The following RAB9B variants were observed in gnomAD, a reference collection of about 807,000 sequenced individuals.
RAB9B encodes RAB9B, member RAS oncogene family, also known as ras-related protein Rab-9B.
In RAB9B, 1 loss-of-function variant was observed where a neutral mutation model predicts 8.9. The ratio of observed to expected loss-of-function variants is 0.11; its 90% confidence interval spans 0.04 to 0.53. The LOEUF is 0.53. Among genes scored for constraint, RAB9B ranks in the 20% least tolerant of loss-of-function variants. RAB9B has a pLI of 0.93. For synonymous variants in RAB9B, 63 were observed against 57.0 expected (o/e 1.10, Z -0.47); for missense variants, 82 against 152.9 (o/e 0.54, Z 2.45).
At chrX:103,817,136 A>C in the RAB9B span, among the ~76,000 whole-genome samples, 30,322 of 110,746 alleles carry the variant, frequency 0.27, 3,136 homozygotes, top group East Asian at 0.35. Context: ...TACACGTATG[A>C]TTATTGTGGC....
At chrX:103,797,084 G>T in the RAB9B span, among the ~76,000 whole-genome samples, 3 of 88,080 alleles carry the variant, frequency 3.4e-5, no homozygotes, top group Admixed American at 4.1e-4. Flanking sequence ...AGAGGAAAGA[G>T]ACCTTTTTTT....
the RAB9B span, chrX:103,792,462 C>T: frequency 1.6e-4 from 18 of 112,653 alleles, no homozygotes; most frequent in Admixed American, 2.8e-4. Flanking sequence ...CACATATATA[C>T]ACACACAAAG....
chrX:103,813,565 A>G, the RAB9B span, among the ~76,000 whole-genome samples: 6 of 108,316 alleles, frequency 5.5e-5, no homozygotes, highest in Non-Finnish European at 1.1e-4. Context: ...TTCACACATA[A>G]CACTATTAAC....
the RAB9B span, among the ~76,000 whole-genome samples, chrX:103,815,649 G>T: frequency 1.8e-5 from 2 of 112,150 alleles, no homozygotes; most frequent in African/African-American, 6.5e-5. Flanking sequence ...AATTGTCTCT[G>T]TTTGCAGATG....
At chrX:103,818,209 T>C (rs952719122), downstream of RAB9B, among the ~76,000 whole-genome samples, 6 of 111,302 alleles carry the variant, frequency 5.4e-5, no homozygotes, top group African/African-American at 3.3e-5. Context: ...AATGAATGTA[T>C]AAACAATTAC....
At chrX:103,786,065 T>C in the RAB9B span, 1 of 1,045,061 alleles carries the variant, frequency 9.6e-7, no homozygotes, top group South Asian at 2.3e-5. Context: ...TCCAGCGTAG[T>C]AGGTATGGAG....
At chrX:103,790,398 T>G in the RAB9B span, 1 of 584,070 alleles carries the variant, frequency 1.7e-6, no homozygotes, top group Middle Eastern at 3.2e-4. Context: ...TACTGCTTTT[T>G]GCAGAGCATG....
At chrX:103,788,030 T>A in the RAB9B span, 1 of 934,700 alleles carries the variant, frequency 1.1e-6, no homozygotes, top group Non-Finnish European at 1.6e-6. Context: ...TATTTGGTTA[T>A]TTTCTTAGTG....
chrX:103,808,916 C>T, the RAB9B span, among the ~76,000 whole-genome samples: 1 of 113,432 alleles, frequency 8.8e-6, no homozygotes, highest in Non-Finnish European at 1.9e-5. Flanking sequence ...TGCCTAGAGA[C>T]TAGGACCCAT....
chrX:103,820,722 G>A (rs962727055), downstream of RAB9B, among the ~76,000 whole-genome samples: 9 of 110,553 alleles, frequency 8.1e-5, no homozygotes, highest in African/African-American at 3.0e-4. Flanking sequence ...AGGCCAGGTG[G>A]GTGGATCACT....
At chrX:103,785,547 G>A in the RAB9B span, 1 of 1,156,370 alleles carries the variant, frequency 8.6e-7, no homozygotes, top group South Asian at 1.8e-5. Flanking sequence ...CTACCTACTG[G>A]ATGTGCCTGA....
the RAB9B span, among the ~76,000 whole-genome samples, chrX:103,804,661 C>T: frequency 1.8e-5 from 2 of 112,022 alleles, no homozygotes; most frequent in African/African-American, 6.5e-5. Flanking sequence ...GAAAACAGAA[C>T]ACCTTTCCGT....
At chrX:103,785,995 G>GT in the RAB9B span, 1 of 538,777 alleles carries the variant, frequency 1.9e-6, no homozygotes, top group Non-Finnish European at 2.8e-6. Flanking sequence ...CCGCCCCCTT[G>GT]TTTTCTTACA....
chrX:103,795,075 T>C, the RAB9B span, among the ~76,000 whole-genome samples: 1 of 111,647 alleles, frequency 9.0e-6, no homozygotes, highest in Non-Finnish European at 1.9e-5. Flanking sequence ...GTGTTTGTGG[T>C]ATAGCAGTTA....
At chrX:103,818,336 T>C (rs1414732588), downstream of RAB9B, among the ~76,000 whole-genome samples, 2 of 112,128 alleles carry the variant, frequency 1.8e-5, no homozygotes, top group Non-Finnish European at 3.8e-5. Context: ...GTTGGAAAGA[T>C]AGTCTTCCTC....
chrX:103,819,080 C>T (rs185153789), downstream of RAB9B, among the ~76,000 whole-genome samples: 5 of 111,206 alleles, frequency 4.5e-5, no homozygotes, highest in East Asian at 2.8e-4. Context: ...CCAGGAACAA[C>T]GTAAGAGAAA....
rs1488301627 is a variant in RAB9B at position 103,823,107 on chromosome X, G to C, written c.*2072C>G. 1 of 111,247 alleles carries C rather than the reference G, an allele frequency of 9.0e-6. No homozygotes were observed. The highest frequency in any genetic ancestry group is 1.9e-5 in the Non-Finnish European group (1 of 53,033). 9.2% of individuals were successfully genotyped at this position (111,247 alleles called of 1,213,427 possible). A position where few individuals can be genotyped will look rare whatever the true frequency, so the allele number is the denominator to read the frequency against. ...GCCTGAGATCTACAAATAGAAACTAGTATAAGCAGAGTGCAAGTAGAAAGA... is the reference window on the plus strand; with the variant it reads ...GCCTGAGATCTACAAATAGAAACTACTATAAGCAGAGTGCAAGTAGAAAGA... On this transcript the variant is annotated 3_prime_UTR_variant, in exon 3 of 3. Transcript: ENST00000243298.
At chrX:103,819,587 AC>A (rs2074652038), downstream of RAB9B, among the ~76,000 whole-genome samples, 2 of 111,308 alleles carry the variant, frequency 1.8e-5, no homozygotes, top group Non-Finnish European at 3.8e-5. Context: ...TTAAAAAAAA[AC>A]CCTTTCACAC....
chrX:103,809,835 G>A, the RAB9B span, among the ~76,000 whole-genome samples: 1 of 107,524 alleles, frequency 9.3e-6, no homozygotes, highest in Non-Finnish European at 1.9e-5. Context: ...TCTCTTTGTT[G>A]CCCAGGCTGA....
Sources: allele counts gnomAD v4.1 joint callset (sites outside exome capture counted in the v4.1 genomes callset), GRCh38; gene constraint gnomAD v4.1.1; transcripts MANE v1.5; gene names NCBI Gene and HGNC (gene_info 2026-07-23, HGNC 2026-07-21).